POMP: variants seen among roughly 807,000 people sequenced by gnomAD.
POMP encodes the protein proteasome maturation protein, also known as 2510048O06Rik.
POMP carries 12 observed loss-of-function variants against 20.6 expected under a neutral mutation model. That is an observed-to-expected ratio of 0.58 (90% CI 0.37 to 0.94). POMP has a LOEUF of 0.94. Ranked by LOEUF, POMP falls within the 40% of genes least tolerant of loss-of-function variation. The probability of loss-of-function intolerance (pLI) is 0.01; values close to 1 mark genes in which losing one functional copy is unlikely to be tolerated. For missense variants in POMP, 136 were observed against 161.1 expected (o/e 0.84, Z 0.84); for synonymous variants, 53 against 55.0 (o/e 0.96, Z 0.16).
chr13:28,660,900 TAAAGGCAGC>T (rs754634208), intron 1 of POMP, among the ~76,000 whole-genome samples: 2 of 152,138 alleles, frequency 1.3e-5, no homozygotes, highest in Non-Finnish European at 2.9e-5. Context: ...TGGGTGAGTC[TAAAGGCAGC>T]AAGACCCAGT....
In POMP at chr13:28,678,854, A is replaced by AT. The variant is rs1884676232; in HGVS notation, c.*757dup. 1.3e-5 allele frequency: 2 copies of AT among 152,228 alleles called. No homozygotes were observed. Among genetic ancestry groups the AT allele is most frequent in the African/African-American group, 4.8e-5 (2 of 41,466 alleles). The allele number at this position is 152,228 out of a possible 1,614,324, so 9.4% of individuals were successfully genotyped here. A position where few individuals can be genotyped will look rare whatever the true frequency, so the allele number is the denominator to read the frequency against. On this transcript the variant is annotated 3_prime_UTR_variant, in exon 6 of 6. Coordinates refer to ENST00000380842, the MANE Select transcript of POMP (RefSeq NM_015932.6). ...ATGAAGTTGATATATAAAAATTTAC[A>AT]TTTTTAGAACATTAGTGAATGGATC...
At chr13:28,669,139 CT>C (rs1428759501) in intron 4 of POMP, among the ~76,000 whole-genome samples, 8 of 152,056 alleles carry the variant, frequency 5.3e-5, no homozygotes, top group Non-Finnish European at 1.2e-4. Context: ...TTTCAAATTC[CT>C]TTATAGTAAC....
At chr13:28,676,039 C>G (rs894095144) in intron 5 of POMP, among the ~76,000 whole-genome samples, 3 of 152,142 alleles carry the variant, frequency 2.0e-5, no homozygotes, top group Admixed American at 6.5e-5. Context: ...TTTTCTCTCT[C>G]TGTCACCCAG....
intron 5 of POMP, among the ~76,000 whole-genome samples, chr13:28,673,966 T>G (rs1000896658): frequency 6.6e-6 from 1 of 152,110 alleles, no homozygotes; most frequent in Non-Finnish European, 1.5e-5. Flanking sequence ...AAAAAGGATG[T>G]TTTTGGGTTG....
chr13:28,669,178 T>G (rs1476053367), intron 4 of POMP, among the ~76,000 whole-genome samples: 2 of 152,178 alleles, frequency 1.3e-5, no homozygotes, highest in Admixed American at 1.3e-4. Flanking sequence ...TGCTTTTGCT[T>G]CTTGAAAAGT....
At chr13:28,659,795 A>T (rs1566105750) in intron 1 of POMP, 1 of 152,722 alleles carries the variant, frequency 6.5e-6, no homozygotes, top group Non-Finnish European at 1.5e-5. Context: ...CCTCCCCACC[A>T]CTTTCTCTTT....
At chr13:28,667,763 A>G (rs1395920039) in intron 3 of POMP, among the ~76,000 whole-genome samples, 4 of 152,230 alleles carry the variant, frequency 2.6e-5, no homozygotes, top group Non-Finnish European at 1.5e-5. Flanking sequence ...CTGTTTGCAT[A>G]TTACATTCAC....
chr13:28,659,600 C>T (rs1438236624), intron 1 of POMP, among the ~76,000 whole-genome samples: 1 of 152,122 alleles, frequency 6.6e-6, no homozygotes, highest in Non-Finnish European at 1.5e-5. Flanking sequence ...CCTCATCTCC[C>T]CCAGCCCCCG....
intron 3 of POMP, among the ~76,000 whole-genome samples, chr13:28,667,564 C>T (rs372824462): frequency 8.7e-4 from 133 of 152,262 alleles, no homozygotes; most frequent in Non-Finnish European, 1.5e-3. Context: ...TGGTTAGTCA[C>T]CTTACTTTCA....
intron 3 of POMP, among the ~76,000 whole-genome samples, chr13:28,666,466 T>TGAA (rs1441287654): frequency 6.6e-6 from 1 of 152,244 alleles, no homozygotes; most frequent in Non-Finnish European, 1.5e-5. Flanking sequence ...GGTGGAACTG[T>TGAA]GAAGAATCTA....
Position 28,672,335 on chromosome 13 carries a change from A to C in POMP, c.265-4A>C, listed in dbSNP as rs1884563110. 1.3e-6 allele frequency: 2 copies of C among 1,598,366 alleles called. No homozygotes were observed. The highest frequency in any genetic ancestry group is 1.7e-4 in the Middle Eastern group (1 of 6,026). ...ATCTTGTCCCTTCATACTTTTCCCCAAAGGTTCAGCGTCTTCCATTTCTTT... is the reference window on the plus strand; with the variant it reads ...ATCTTGTCCCTTCATACTTTTCCCCCAAGGTTCAGCGTCTTCCATTTCTTT... On this transcript the variant is annotated splice_polypyrimidine_tract_variant and splice_region_variant and intron_variant, in intron 4 of 5. Coordinates refer to ENST00000380842, the MANE Select transcript of POMP (RefSeq NM_015932.6).
At chr13:28,665,778 C>T (rs1243261227) in intron 3 of POMP, among the ~76,000 whole-genome samples, 1 of 152,096 alleles carries the variant, frequency 6.6e-6, no homozygotes, top group African/African-American at 2.4e-5. Context: ...ATGGGTCAGT[C>T]AAGGGATCAA....
At chr13:28,669,629 C>T (rs995767424) in intron 4 of POMP, among the ~76,000 whole-genome samples, 2 of 151,768 alleles carry the variant, frequency 1.3e-5, no homozygotes, top group African/African-American at 4.9e-5. Context: ...ATCATCCCAC[C>T]TCCTTGGCTT....
intron 1 of POMP, among the ~76,000 whole-genome samples, chr13:28,659,521 G>GGA (rs1884296881): frequency 6.6e-6 from 1 of 152,170 alleles, no homozygotes; most frequent in Non-Finnish European, 1.5e-5. Context: ...AAAGTGCAAC[G>GGA]TTCTGTGGGG....
At chr13:28,675,727 GC>G (rs1884617107) in intron 5 of POMP, among the ~76,000 whole-genome samples, 1 of 137,492 alleles carries the variant, frequency 7.3e-6, no homozygotes, top group African/African-American at 2.9e-5. Context: ...ATTTATTTTG[GC>G]ATATGGTTCC....
chr13:28,678,151 C>G lies in POMP; in HGVS notation c.*49C>G, dbSNP rs762199983. ...AGGGCTGCATCTTGTTTATAGTCAT[C>G]TTTGTACTGTAATTTGATGTACACA... On this transcript the variant is annotated 3_prime_UTR_variant, in exon 6 of 6. Transcript: ENST00000380842. The G allele has an allele frequency of 1.3e-5, 19 of 1,516,804 alleles. No individual in the cohort carries two copies. In the Admixed American group the frequency reaches 3.2e-4, roughly 25 times the overall value. The allele number at this position is 1,516,804 out of a possible 1,614,324, so 94.0% of individuals were successfully genotyped here. A position where few individuals can be genotyped will look rare whatever the true frequency, so the allele number is the denominator to read the frequency against.
chr13:28,662,253 A>T (rs1884355927), intron 1 of POMP, among the ~76,000 whole-genome samples, 157 bp from the exon 2 acceptor site: 1 of 152,240 alleles, frequency 6.6e-6, no homozygotes, highest in Non-Finnish European at 1.5e-5. Flanking sequence ...TCTCTATCAT[A>T]TCATAATGTT....
In POMP at chr13:28,659,138, C is replaced by G. The variant is rs759869912; in HGVS notation, c.-47C>G. The G allele has an allele frequency of 1.9e-6, 3 of 1,567,862 alleles. No homozygotes were observed. The highest frequency in any genetic ancestry group is 1.2e-5 in the South Asian group (1 of 85,746). ...CGGAAACGGAAGTGAGCGGCGGGGT[C>G]GACTGACGGTAACGGGGCAGAGAGG... On this transcript the variant is annotated 5_prime_UTR_variant, in exon 1 of 6. Coordinates refer to ENST00000380842, the MANE Select transcript of POMP (RefSeq NM_015932.6).
At chr13:28,661,587 T>C (rs928023336) in intron 1 of POMP, among the ~76,000 whole-genome samples, 13 of 152,236 alleles carry the variant, frequency 8.5e-5, no homozygotes, top group African/African-American at 3.1e-4. Context: ...AGCTTCAGTA[T>C]CTAGCAGAGT....
Sources: gnomAD v4.1 joint callset for allele counts (sites outside exome capture counted in the v4.1 genomes callset) on GRCh38, gnomAD v4.1.1 for gene constraint, MANE v1.5 for transcripts, NCBI Gene and HGNC (gene_info 2026-07-23, HGNC 2026-07-21) for gene names.